PLCH1: variants seen among roughly 807,000 people sequenced by gnomAD.
The protein encoded by PLCH1 is phospholipase C eta 1.
Under a neutral mutation model 126.7 loss-of-function variants are expected in PLCH1, and 60 were observed. That is an observed-to-expected ratio of 0.47 (90% confidence interval 0.38 to 0.59). The LOEUF (loss-of-function observed/expected upper bound fraction) is 0.59, where lower values mean the gene tolerates loss of function less well. Among genes scored for constraint, PLCH1 ranks in the 20% least tolerant of loss-of-function variants. The probability of loss-of-function intolerance (pLI) is 0.00; values close to 1 mark genes in which losing one functional copy is unlikely to be tolerated. For synonymous variants in PLCH1, 719 were observed against 734.9 expected, an observed-to-expected ratio of 0.98 and a Z score of 0.35; for missense variants, 1,723 against 2,040.0, an observed-to-expected ratio of 0.84 and a Z score of 2.99.
At chr3:155,627,633 C>CAA (rs754351073) in intron 2 of PLCH1, among the ~76,000 whole-genome samples, 1 of 92,230 alleles carries the variant, frequency 1.1e-5, no homozygotes, top group Non-Finnish European at 2.3e-5. Context: ...GACTCCACCT[C>CAA]AAAAAAAAAA....
At chr3:155,563,731 C>T (rs1477603174) in intron 8 of PLCH1, among the ~76,000 whole-genome samples, 3 of 152,000 alleles carry the variant, frequency 2.0e-5, no homozygotes, top group Admixed American at 2.0e-4. Context: ...GATATTAAAA[C>T]CTTTCACTGG....
intron 1 of PLCH1, among the ~76,000 whole-genome samples, chr3:155,728,765 A>G (rs1347481286): frequency 6.6e-6 from 1 of 152,180 alleles, no homozygotes; most frequent in Non-Finnish European, 1.5e-5. Context: ...ATAGATATAT[A>G]TGCCTTCATT....
chr3:155,736,388 T>A (rs1202109388), intron 1 of PLCH1, among the ~76,000 whole-genome samples: 1 of 152,214 alleles, frequency 6.6e-6, no homozygotes, highest in Admixed American at 6.5e-5. Context: ...AAGAAAAGAT[T>A]CCTGTGACAT....
chr3:155,721,769 C>T (rs966940290), intron 1 of PLCH1, among the ~76,000 whole-genome samples: 9 of 152,138 alleles, frequency 5.9e-5, no homozygotes, highest in Admixed American at 2.0e-4. Context: ...AAAAGTGGGC[C>T]GGGCACAGTA....
chr3:155,484,242 T>C (rs1714648732), intron 22 of PLCH1, among the ~76,000 whole-genome samples: 1 of 152,222 alleles, frequency 6.6e-6, no homozygotes, highest in South Asian at 2.1e-4. Flanking sequence ...GGTATTAACA[T>C]CTTAACTGTG....
intron 2 of PLCH1, among the ~76,000 whole-genome samples, chr3:155,633,352 A>G (rs1043727454): frequency 8.6e-5 from 13 of 151,682 alleles, no homozygotes; most frequent in Admixed American, 7.9e-4. Context: ...TCTTCAAAAA[A>G]AAAAAAACCT....
chr3:155,738,648 G>T (rs1336973020), intron 1 of PLCH1, among the ~76,000 whole-genome samples: 2 of 151,970 alleles, frequency 1.3e-5, no homozygotes, highest in Non-Finnish European at 2.9e-5. Flanking sequence ...TTAGTTGGGC[G>T]TGCTGGCGGG....
At chr3:155,686,122 G>A (rs1373011420) in intron 2 of PLCH1, among the ~76,000 whole-genome samples, 2 of 152,156 alleles carry the variant, frequency 1.3e-5, no homozygotes, top group Non-Finnish European at 2.9e-5. Context: ...AATCGTGTGT[G>A]CGTGCATGCA....
chr3:155,652,191 T>C (rs1740774351), intron 2 of PLCH1, among the ~76,000 whole-genome samples: 1 of 152,226 alleles, frequency 6.6e-6, no homozygotes, highest in Non-Finnish European at 1.5e-5. Flanking sequence ...GGAAGCCCGT[T>C]AACTTTAATC....
At chr3:155,521,031 G>A (rs1205476263) in intron 11 of PLCH1, among the ~76,000 whole-genome samples, 6 of 152,128 alleles carry the variant, frequency 3.9e-5, no homozygotes, top group African/African-American at 1.4e-4. Context: ...CTTTCTGCCT[G>A]GAACATTCCT....
intron 13 of PLCH1, among the ~76,000 whole-genome samples, chr3:155,501,034 T>C: frequency 6.6e-6 from 1 of 152,252 alleles, no homozygotes; most frequent in African/African-American, 2.4e-5. Context: ...CGGAGACACA[T>C]AAAGTTGATG....
At chr3:155,484,827 T>A (rs557724723) in intron 22 of PLCH1, among the ~76,000 whole-genome samples, 2 of 152,160 alleles carry the variant, frequency 1.3e-5, no homozygotes, top group African/African-American at 4.8e-5. Context: ...TCTATCTCTG[T>A]CAGCATCCAA....
intron 6 of PLCH1, among the ~76,000 whole-genome samples, chr3:155,574,781 A>G (rs550301030): frequency 3.9e-5 from 6 of 152,332 alleles, no homozygotes; most frequent in South Asian, 2.1e-4. Flanking sequence ...TGCAGCAAAA[A>G]TATTGCAAGA....
chr3:155,527,162 C>T (rs1294707043), intron 10 of PLCH1, among the ~76,000 whole-genome samples: 1 of 152,180 alleles, frequency 6.6e-6, no homozygotes, highest in African/African-American at 2.4e-5. Flanking sequence ...AGAAAGGCTG[C>T]AAAAGCAAAC....
At chr3:155,686,914 G>A (rs980109363) in intron 2 of PLCH1, among the ~76,000 whole-genome samples, 5 of 152,022 alleles carry the variant, frequency 3.3e-5, no homozygotes, top group East Asian at 1.9e-4. Context: ...TAAAATACTC[G>A]CAGTAAATGT....
intron 2 of PLCH1, among the ~76,000 whole-genome samples, chr3:155,678,808 A>C (rs1479420765): frequency 3.9e-5 from 6 of 152,194 alleles, no homozygotes; most frequent in Admixed American, 3.9e-4. Flanking sequence ...GGCATACAGT[A>C]GGTACCTTAT....
At position 155,488,721 on chromosome 3, in the gene PLCH1, G is replaced by T. The variant is rs1032307178; in HGVS notation, c.2478C>A (p.His826Gln). Residue 826 changes from histidine (H) to glutamine (Q), a missense_variant, in exon 20 of 23, where the codon CAC (histidine) becomes CAA (glutamine). His to Gln is a conservative substitution (Grantham distance 24, BLOSUM62 0). Around this residue, in one of 2 missense-constraint regions of PLCH1, gnomAD observed 776 missense variants for 1,062.9 expected, o/e 0.73. Transcript: ENST00000460012. ...CAACAAAGTCTCGTCCAATGGGATC[G>T]TGATCCCACACAAGGAACCGAACCA... Reference protein sequence around the residue: ...IALVRFLVWDHDPIGRDFVGQ... With the variant: ...IALVRFLVWDQDPIGRDFVGQ... 1 of 1,612,692 alleles carries T rather than the reference G, an allele frequency of 6.2e-7. No homozygotes were observed. The highest frequency in any genetic ancestry group is 2.2e-5 in the East Asian group (1 of 44,874).
At chr3:155,551,564 A>C (rs1305194516) in intron 9 of PLCH1, among the ~76,000 whole-genome samples, 1 of 150,508 alleles carries the variant, frequency 6.6e-6, no homozygotes, top group Non-Finnish European at 1.5e-5. Flanking sequence ...AGTACAGGAG[A>C]CGCTTGTCAA....
At chr3:155,492,877 G>A in intron 17 of PLCH1, 24 bp from the exon 18 acceptor site, 2 of 1,550,534 alleles carry the variant, frequency 1.3e-6, no homozygotes, top group South Asian at 1.3e-5. Flanking sequence ...AGTATAAGTT[G>A]GTAACATAAG....
Sources: gnomAD v4.1 joint callset for allele counts (sites outside exome capture counted in the v4.1 genomes callset) on GRCh38, gnomAD v4.1.1 for gene constraint, gnomAD v4.1.1 regional missense constraint, MANE v1.5 for transcripts, NCBI Gene and HGNC (gene_info 2026-07-23, HGNC 2026-07-21) for gene names.